The following SDHC variants were observed in gnomAD, a reference collection of about 807,000 sequenced individuals.
The protein encoded by SDHC is succinate dehydrogenase complex subunit C, also known as succinate dehydrogenase cytochrome b560 subunit, mitochondrial.
A neutral mutation model predicts 22.6 loss-of-function variants in SDHC; 11 were observed. The ratio of observed to expected loss-of-function variants is 0.49; its 90% CI spans 0.31 to 0.81. SDHC has a LOEUF of 0.81. SDHC is among the 30% of genes least tolerant of loss of function. The probability of loss-of-function intolerance (pLI) is 0.05; values close to 1 mark genes in which losing one functional copy is unlikely to be tolerated. For missense variants in SDHC, 160 were observed against 212.0 expected, an observed-to-expected ratio of 0.75 and a Z score of 1.52; for synonymous variants, 80 against 77.8, an observed-to-expected ratio of 1.03 and a Z score of -0.15.
intron 4 of SDHC, among the ~76,000 whole-genome samples, chr1:161,355,915 C>T (rs1214550142): frequency 2.1e-5 from 3 of 143,458 alleles, no homozygotes; most frequent in Admixed American, 1.5e-4. Flanking sequence ...ACCCAGGAGG[C>T]GGAGGTTGCA....
At chr1:161,353,286 G>A (rs1672154010) in intron 4 of SDHC, among the ~76,000 whole-genome samples, 1 of 152,154 alleles carries the variant, frequency 6.6e-6, no homozygotes, top group African/African-American at 2.4e-5. Flanking sequence ...GGACTCAGCT[G>A]TGAGCCTGTT....
At chr1:161,325,454 C>T (rs1000941964) in intron 2 of SDHC, among the ~76,000 whole-genome samples, 2 of 148,798 alleles carry the variant, frequency 1.3e-5, no homozygotes, top group Admixed American at 6.7e-5. Context: ...CTGAGGTGGG[C>T]GGATTGCTTG....
In SDHC at chr1:161,356,793, C is replaced by T. The variant is rs1161002093; in HGVS notation, c.358C>T (p.Leu120Phe). ...PALIHTAKFA[L>F]VFPLMYHTWN... ...ACTGATCCACACAGCTAAGTTTGCA[C>T]TTGTCTTCCCTCTCATGTATCATAC... The change falls in exon 5 of 6, where the codon CTT becomes TTT. Residue 120 changes from leucine to phenylalanine, a missense_variant. Physicochemically the swap from Leu to Phe is conservative, Grantham distance 22. Coordinates refer to ENST00000367975, the MANE Select transcript of SDHC (RefSeq NM_003001.5). The T allele has an allele frequency of 6.2e-7, 1 of 1,614,050 alleles. No individual in the cohort carries two copies. The highest frequency in any genetic ancestry group is 1.3e-5 in the African/African-American group (1 of 74,918).
At chr1:161,343,101 G>C (rs1469391788) in intron 4 of SDHC, among the ~76,000 whole-genome samples, 1 of 152,214 alleles carries the variant, frequency 6.6e-6, no homozygotes, top group Non-Finnish European at 1.5e-5. Context: ...ATGCCAAATA[G>C]AGCTTTCGAG....
chr1:161,359,949 C>A (rs184088154), intron 5 of SDHC, among the ~76,000 whole-genome samples: 2 of 152,130 alleles, frequency 1.3e-5, no homozygotes, highest in Admixed American at 6.5e-5. Context: ...CAAAACAACT[C>A]TTTGTGGAAT....
intron 4 of SDHC, among the ~76,000 whole-genome samples, chr1:161,346,003 A>G (rs549579587): frequency 2.0e-5 from 3 of 151,152 alleles, no homozygotes; most frequent in Non-Finnish European, 4.4e-5. Flanking sequence ...ACAGGGTCTC[A>G]CTATTTGGCC....
rs786203457 is a variant in SDHC, at chr1:161,356,815, A to G, written c.380A>G (p.His127Arg). 1.9e-5 allele frequency: 31 copies of G among 1,614,010 alleles called. No individual in the cohort carries two copies. Among genetic ancestry groups the G allele is most frequent in the Non-Finnish European group, 2.6e-5 (31 of 1,180,040 alleles). The change falls in exon 5 of 6, where the codon CAT becomes CGT. Residue 127 changes from histidine (H) to arginine (R), a missense_variant. His to Arg is a conservative substitution (Grantham distance 29). Around this residue, in one of 2 missense-constraint regions of SDHC, gnomAD observed 74 missense variants for 128.6 expected, o/e 0.58. Transcript: ENST00000367975. ...GCACTTGTCTTCCCTCTCATGTATCATACCTGGAATGGGATCCGACACTTG... is the reference window on the plus strand; with the variant it reads ...GCACTTGTCTTCCCTCTCATGTATCGTACCTGGAATGGGATCCGACACTTG... ...KFALVFPLMY[H>R]TWNGIRHLMW...
At chr1:161,349,100 A>G (rs1558179332) in intron 4 of SDHC, among the ~76,000 whole-genome samples, 1 of 152,206 alleles carries the variant, frequency 6.6e-6, no homozygotes, top group African/African-American at 2.4e-5. Flanking sequence ...ATATTCATGT[A>G]TCTGTATATG....
At chr1:161,344,878 G>A (rs1050017270) in intron 4 of SDHC, among the ~76,000 whole-genome samples, 1 of 152,124 alleles carries the variant, frequency 6.6e-6, no homozygotes, top group Non-Finnish European at 1.5e-5. Context: ...GCCCTGGACC[G>A]AATGGCAAGA....
chr1:161,351,888 A>G (rs1247141888), intron 4 of SDHC, among the ~76,000 whole-genome samples: 3 of 152,224 alleles, frequency 2.0e-5, no homozygotes, highest in African/African-American at 7.2e-5. Context: ...TGACATCTGC[A>G]TGGGCTTTCT....
intron 3 of SDHC, among the ~76,000 whole-genome samples, chr1:161,329,012 A>T (rs775911177): frequency 2.6e-5 from 4 of 151,912 alleles, no homozygotes; most frequent in Non-Finnish European, 4.4e-5. Flanking sequence ...GGTTCAAGCG[A>T]TTCTCCTGCC....
intron 4 of SDHC, among the ~76,000 whole-genome samples, chr1:161,342,539 G>T (rs940921635): frequency 6.9e-6 from 1 of 145,292 alleles, no homozygotes; most frequent in African/African-American, 2.6e-5. Flanking sequence ...ACAGAGTTTC[G>T]CTCTTGTTGC....
rs537901855 is a variant in SDHC at position 161,321,439 on chromosome 1, G to A, written c.21-2175G>A. Among the ~76,000 whole-genome samples the A allele has an allele frequency of 2.6e-4, 39 of 152,320 alleles. 1 individual carries two copies. Among genetic ancestry groups the A allele is most frequent in the African/African-American group, 7.9e-4 (33 of 41,570 alleles). ...TGATATTTGTCTGGGAAACAATAGC[G>A]CTAGACAGAGAGGGCACGCCATAGA... is the stretch of plus-strand genomic sequence containing the variant. On this transcript the variant is annotated intron_variant, in intron 1 of 5. Transcript: ENST00000367975.
chr1:161,350,792 G>T (rs567387943), intron 4 of SDHC, among the ~76,000 whole-genome samples: 4 of 152,138 alleles, frequency 2.6e-5, no homozygotes, highest in Non-Finnish European at 5.9e-5. Context: ...GTGCATTTAG[G>T]TGGAACATAC....
chr1:161,332,369 A>G (rs528905263), intron 3 of SDHC, among the ~76,000 whole-genome samples: 1 of 152,272 alleles, frequency 6.6e-6, no homozygotes, highest in South Asian at 2.1e-4. Context: ...ACTTCAGTAG[A>G]TTCTGCTTTC....
chr1:161,320,584 G>C (rs1487812289), intron 1 of SDHC, among the ~76,000 whole-genome samples: 1 of 151,706 alleles, frequency 6.6e-6, no homozygotes, highest in East Asian at 1.9e-4. Context: ...GAGTATTTTT[G>C]TCACCACTGA....
chr1:161,351,828 G>A (rs1672109359), intron 4 of SDHC, among the ~76,000 whole-genome samples: 1 of 152,218 alleles, frequency 6.6e-6, no homozygotes. Context: ...TTAATCATCA[G>A]TTGGACAGCT....
intron 4 of SDHC, among the ~76,000 whole-genome samples, chr1:161,344,464 A>G (rs1405274345): frequency 1.3e-5 from 2 of 151,238 alleles, no homozygotes; most frequent in Non-Finnish European, 3.0e-5. Context: ...AAAAAAAAGA[A>G]AAAAAAAAGA....
At chr1:161,358,203 ATT>A (rs200683910) in intron 5 of SDHC, among the ~76,000 whole-genome samples, 10 of 140,456 alleles carry the variant, frequency 7.1e-5, no homozygotes, top group Admixed American at 7.1e-5. Context: ...CGGCCAGCTA[ATT>A]TTTTTTTTTT....
Sources: allele counts gnomAD v4.1 joint callset (sites outside exome capture counted in the v4.1 genomes callset), GRCh38; gene constraint gnomAD v4.1.1; regional missense constraint gnomAD v4.1.1; transcripts MANE v1.5; gene names NCBI Gene and HGNC (gene_info 2026-07-23, HGNC 2026-07-21).